The following ATE1 variants were observed in gnomAD, a reference collection of about 807,000 sequenced individuals.
ATE1 encodes the protein arginyltransferase 1.
In ATE1, 36 loss-of-function variants were observed where a neutral mutation model predicts 70.5. The ratio of observed to expected loss-of-function variants is 0.51; its 90% CI spans 0.39 to 0.67. ATE1 has a LOEUF of 0.67. Ranked by LOEUF, ATE1 falls within the 30% of genes least tolerant of loss-of-function variation. The pLI, the probability that ATE1 is intolerant of heterozygous loss-of-function variation, is 0.00. For synonymous variants in ATE1, 232 were observed against 219.3 expected (o/e 1.06, Z -0.51); for missense variants, 593 against 629.5 (o/e 0.94, Z 0.62).
At chr10:121,837,308 T>G (rs6585764) in intron 9 of ATE1, among the ~76,000 whole-genome samples, 24,959 of 152,230 alleles carry the variant, frequency 0.16, 2,088 homozygotes, top group East Asian at 0.19. Flanking sequence ...CTTTAATATT[T>G]ATTTCCCCTA....
At chr10:121,826,131 G>C (rs369097032) in intron 10 of ATE1, among the ~76,000 whole-genome samples, 29 of 152,252 alleles carry the variant, frequency 1.9e-4, no homozygotes, top group Admixed American at 6.5e-4. Flanking sequence ...CTTAGGGGTG[G>C]GGAAGGGGGA....
intron 10 of ATE1, among the ~76,000 whole-genome samples, chr10:121,817,444 C>A (rs1947598342): frequency 6.6e-6 from 1 of 151,736 alleles, no homozygotes; most frequent in African/African-American, 2.4e-5. Flanking sequence ...GAGGCTGAGG[C>A]AGGAGAACGG....
chr10:121,835,937 T>C (rs936555177), intron 10 of ATE1, among the ~76,000 whole-genome samples: 3 of 152,152 alleles, frequency 2.0e-5, no homozygotes, highest in South Asian at 2.1e-4. Context: ...TGTGGACATA[T>C]GTATATTTTC....
At chr10:121,794,610 C>CAAAAAA (rs71022866) in intron 10 of ATE1, among the ~76,000 whole-genome samples, 40 of 77,542 alleles carry the variant, frequency 5.2e-4, no homozygotes, top group African/African-American at 1.9e-3. Flanking sequence ...ACCCTGTCTC[C>CAAAAAA]AAAAAAAAAA....
At chr10:121,866,856 A>C (rs569731782) in intron 8 of ATE1, among the ~76,000 whole-genome samples, 86 of 151,794 alleles carry the variant, frequency 5.7e-4, no homozygotes, top group African/African-American at 2.0e-3. Flanking sequence ...CAAAAAAAAA[A>C]AAAAAAAAAA....
chr10:121,763,600 C>A (rs190951308), intron 11 of ATE1, among the ~76,000 whole-genome samples: 1 of 152,046 alleles, frequency 6.6e-6, no homozygotes, highest in African/African-American at 2.4e-5. Flanking sequence ...GATGGAGATG[C>A]GGGAGGGAGG....
chr10:121,775,043 A>G (rs1945677877), intron 11 of ATE1, among the ~76,000 whole-genome samples: 1 of 152,234 alleles, frequency 6.6e-6, no homozygotes, highest in Non-Finnish European at 1.5e-5. Context: ...AGACAGTTAC[A>G]TTGCAAAGAA....
intron 10 of ATE1, among the ~76,000 whole-genome samples, chr10:121,800,355 T>G (rs1946828390): frequency 6.6e-6 from 1 of 152,196 alleles, no homozygotes; most frequent in Non-Finnish European, 1.5e-5. Context: ...CTTGGCCGAT[T>G]GCAATAAAAT....
chr10:121,758,782 A>C (rs1385775798), intron 11 of ATE1, among the ~76,000 whole-genome samples: 2 of 152,098 alleles, frequency 1.3e-5, no homozygotes, highest in East Asian at 3.9e-4. Flanking sequence ...AAATTTTCTC[A>C]TTATTATTAT....
chr10:121,832,814 C>T (rs1035937465), intron 10 of ATE1, among the ~76,000 whole-genome samples: 1 of 152,198 alleles, frequency 6.6e-6, no homozygotes, highest in African/African-American at 2.4e-5. Flanking sequence ...GTCCGCAATT[C>T]TGGGAACTTT....
chr10:121,920,286 G>A (rs1260965544), intron 3 of ATE1, among the ~76,000 whole-genome samples: 1 of 151,700 alleles, frequency 6.6e-6, no homozygotes, highest in Admixed American at 6.6e-5. Flanking sequence ...AGAAGTTGGA[G>A]ATCAGCCTAG....
chr10:121,894,584 A>G (rs1950703063), intron 7 of ATE1, among the ~76,000 whole-genome samples: 1 of 152,182 alleles, frequency 6.6e-6, no homozygotes, highest in Non-Finnish European at 1.5e-5. Flanking sequence ...CAACTCAGTA[A>G]CAAAGACAAT....
In ATE1 at chr10:121,927,863, C is replaced by T; in HGVS notation, c.87G>A (p.Glu29=). The change falls in exon 1 of 12, where the codon GAG becomes GAA. Residue 29 remains glutamate (E), a synonymous_variant. Coordinates refer to ENST00000224652, the MANE Select transcript of ATE1 (RefSeq NM_001001976.3). ...DFYRCGYCKN[E]SGSRSNGMWA... ...GCTCACCATTGGAGCGGCTGCCCGA[C>T]TCGTTCTTGCAGTAGCCGCAGCGGT... 1 of 1,581,140 alleles carries T rather than the reference C, an allele frequency of 6.3e-7. No homozygotes were observed. Among genetic ancestry groups the T allele is most frequent in the Non-Finnish European group, 8.6e-7 (1 of 1,166,898 alleles).
At chr10:121,760,231 G>A (rs1944983025) in intron 11 of ATE1, among the ~76,000 whole-genome samples, 1 of 152,166 alleles carries the variant, frequency 6.6e-6, no homozygotes, top group Non-Finnish European at 1.5e-5. Context: ...CATGGATCAA[G>A]GAATATTTTC....
In ATE1 at chr10:121,862,532, A is replaced by ATTT. The variant is rs35130703; in HGVS notation, c.975+7471_975+7473dup. ...TTACCACAACTGATTAATTTTTTTA[A>ATTT]TTTTTTTTTTTTTTTTTTTTTTGTA... On this transcript the variant is annotated intron_variant, in intron 8 of 11. Transcript: ENST00000224652. 7.1e-3 allele frequency among the ~76,000 whole-genome samples: 752 copies of ATTT among 105,350 alleles called. 14 individuals are homozygous for ATTT. Among genetic ancestry groups the ATTT allele is most frequent in the African/African-American group, 0.019 (498 of 26,450 alleles). 69.1% of individuals were successfully genotyped at this position (105,350 alleles called of 152,430 possible). A position where few individuals can be genotyped will look rare whatever the true frequency, so the allele number is the denominator to read the frequency against.
intron 10 of ATE1, among the ~76,000 whole-genome samples, chr10:121,795,173 C>T (rs984913113): frequency 6.6e-6 from 1 of 152,096 alleles, no homozygotes; most frequent in South Asian, 2.1e-4. Context: ...GCTTGAGCCC[C>T]GGAAGCAGAG....
At chr10:121,811,932 A>C (rs1047877751) in intron 10 of ATE1, among the ~76,000 whole-genome samples, 1 of 143,978 alleles carries the variant, frequency 6.9e-6, no homozygotes, top group Non-Finnish European at 1.5e-5. Flanking sequence ...TTTCCCTTCT[A>C]TGAACCTTAT....
intron 10 of ATE1, among the ~76,000 whole-genome samples, chr10:121,824,297 T>A (rs1348356811): frequency 6.6e-6 from 1 of 152,150 alleles, no homozygotes; most frequent in Non-Finnish European, 1.5e-5. Context: ...AGTCCAGTAG[T>A]AGCAAAGTCA....
Position 121,744,411 on chromosome 10 carries a change from A to G in ATE1, c.1379-553T>C, listed in dbSNP as rs952103058. ...CTCCAGGATGACAGCTGAAACACCA[A>G]GCAGAGACAAAATGTGTCTAATTAG... On this transcript the variant is annotated intron_variant, in intron 11 of 11. Transcript: ENST00000224652. 1.3e-5 allele frequency among the ~76,000 whole-genome samples: 2 copies of G among 152,126 alleles called. 1 individual carries two copies. The highest frequency in any genetic ancestry group is 4.1e-4 in the South Asian group (2 of 4,820).
Sources: gnomAD v4.1 joint callset for allele counts (sites outside exome capture counted in the v4.1 genomes callset) on GRCh38, gnomAD v4.1.1 for gene constraint, MANE v1.5 for transcripts, NCBI Gene and HGNC (gene_info 2026-07-23, HGNC 2026-07-21) for gene names.